HLCS: variants seen among roughly 807,000 people sequenced by gnomAD.
The protein encoded by HLCS is holocarboxylase synthetase.
Under a neutral mutation model 75.0 loss-of-function variants are expected in HLCS, and 53 were observed. That is an observed-to-expected ratio of 0.71 (90% CI 0.57 to 0.89). HLCS has a LOEUF of 0.89. HLCS is among the 40% of genes least tolerant of loss of function. The pLI is 0.00. For synonymous variants in HLCS, 431 were observed against 428.6 expected, an observed-to-expected ratio of 1.01 and a Z score of -0.07; for missense variants, 966 against 1,074.0, an observed-to-expected ratio of 0.90 and a Z score of 1.41.
chr21:36,857,350 G>A (rs1008481689), intron 6 of HLCS, among the ~76,000 whole-genome samples: 11 of 152,326 alleles, frequency 7.2e-5, no homozygotes, highest in African/African-American at 2.6e-4. Context: ...TTCCAAAGCT[G>A]TAGGTGGAAT....
chr21:36,827,331 T>C (rs2898305), intron 6 of HLCS, among the ~76,000 whole-genome samples: 53,365 of 151,790 alleles, frequency 0.35, 10,163 homozygotes, highest in African/African-American at 0.48. Flanking sequence ...CACTTTGGGA[T>C]GCCAAGGCGA....
At chr21:36,930,537 A>C (rs1382484567) in intron 4 of HLCS, 104 bp from the exon 5 acceptor site, 6 of 982,810 alleles carry the variant, frequency 6.1e-6, no homozygotes, top group Non-Finnish European at 9.1e-6. Context: ...TAGAGACAGG[A>C]TCTCATTATG....
intron 5 of HLCS, among the ~76,000 whole-genome samples, chr21:36,924,052 A>C (rs1312569870): frequency 6.6e-6 from 1 of 152,234 alleles, no homozygotes. Context: ...TTCAAGGTGC[A>C]CCTGGAATTC....
chr21:36,758,356 C>T (rs1284641347), intron 9 of HLCS, among the ~76,000 whole-genome samples: 2 of 152,142 alleles, frequency 1.3e-5, no homozygotes, highest in Non-Finnish European at 2.9e-5. Flanking sequence ...AATCCACCCA[C>T]CTCAGGCTCC....
At chr21:36,901,507 C>T (rs571412635) in intron 5 of HLCS, among the ~76,000 whole-genome samples, 1 of 152,302 alleles carries the variant, frequency 6.6e-6, no homozygotes, top group East Asian at 1.9e-4. Context: ...TCTATTCTTA[C>T]AGTTTTGGAG....
chr21:36,804,383 T>C (rs905527003), intron 6 of HLCS: 5 of 152,282 alleles, frequency 3.3e-5, no homozygotes, highest in Non-Finnish European at 7.3e-5. Context: ...TAACTCGAAT[T>C]ACTCATAGGC....
chr21:36,856,880 C>T (rs1003038889), intron 6 of HLCS, among the ~76,000 whole-genome samples: 6 of 152,184 alleles, frequency 3.9e-5, no homozygotes, highest in Admixed American at 3.9e-4. Flanking sequence ...TAAAACCACA[C>T]ACACACACAG....
chr21:36,861,699 T>G (rs2063387674), intron 6 of HLCS, among the ~76,000 whole-genome samples: 1 of 152,234 alleles, frequency 6.6e-6, no homozygotes, highest in Non-Finnish European at 1.5e-5. Flanking sequence ...AAAGAGTACC[T>G]CCCTCTTACA....
chr21:36,921,424 A>AAT (rs3838089), intron 5 of HLCS, among the ~76,000 whole-genome samples: 1 of 151,888 alleles, frequency 6.6e-6, no homozygotes, highest in African/African-American at 2.4e-5. Flanking sequence ...CAGCCTGGGT[A>AAT]AGAGTGAGAC....
At chr21:36,797,955 CA>C (rs753700631) in intron 6 of HLCS, among the ~76,000 whole-genome samples, 2 of 152,118 alleles carry the variant, frequency 1.3e-5, no homozygotes, top group Non-Finnish European at 2.9e-5. Flanking sequence ...TATGCAAATA[CA>C]GACACAAATA....
chr21:36,960,562 A>G (rs1036445890), intron 2 of HLCS, among the ~76,000 whole-genome samples: 1 of 152,098 alleles, frequency 6.6e-6, no homozygotes, highest in Non-Finnish European at 1.5e-5. Flanking sequence ...GCTATCCTAT[A>G]CTATCTGCAC....
intron 8 of HLCS, among the ~76,000 whole-genome samples, chr21:36,762,500 G>C (rs969927762): frequency 3.1e-4 from 47 of 152,176 alleles, no homozygotes; most frequent in African/African-American, 1.1e-3. Context: ...TCTGGGGAGG[G>C]TGGTCATGAT....
At chr21:36,811,933 T>C (rs980143590) in intron 6 of HLCS, among the ~76,000 whole-genome samples, 22 of 152,220 alleles carry the variant, frequency 1.4e-4, no homozygotes, top group African/African-American at 5.1e-4. Flanking sequence ...GGGTCTCGGC[T>C]TCTTAACCTG....
chr21:36,971,390 A>C (rs1182990989), upstream of HLCS, among the ~76,000 whole-genome samples: 1 of 152,200 alleles, frequency 6.6e-6, no homozygotes, highest in Non-Finnish European at 1.5e-5. Context: ...ATACCAGATA[A>C]GCTGGAACAT....
rs1244191783 is a variant in HLCS, at chr21:36,756,714, T to C, written c.2278A>G (p.Ile760Val). Reference sequence around the variant, plus strand: ...TTGTATTCTGTGATGAGGTCGTTGATGCAGATGGTAGGGTTACTGTTAGTC... The same window carrying C: ...TTGTATTCTGTGATGAGGTCGTTGACGCAGATGGTAGGGTTACTGTTAGTC... ...NVTNSNPTIC[I>V]NDLITEYNKQ... is the part of the protein sequence containing the mutation. Residue 760 changes from isoleucine (I) to valine (V), a missense_variant, in exon 10 of 11, where the codon ATC becomes GTC. Ile to Val is a conservative substitution (Grantham distance 29, BLOSUM62 3). Transcript: ENST00000674895. 6.2e-7 allele frequency: 1 copy of C among 1,614,154 alleles called. No individual in the cohort carries two copies. Among genetic ancestry groups the C allele is most frequent in the Admixed American group, 1.7e-5 (1 of 60,018 alleles).
At chr21:36,799,126 T>C (rs13052249) in intron 6 of HLCS, among the ~76,000 whole-genome samples, 44,752 of 152,102 alleles carry the variant, frequency 0.29, 6,763 homozygotes, top group South Asian at 0.32. Context: ...ATATATTCTC[T>C]GAGAAGCTTA....
chr21:36,824,913 G>T (rs1161140033), intron 6 of HLCS, among the ~76,000 whole-genome samples: 5 of 152,200 alleles, frequency 3.3e-5, no homozygotes, highest in African/African-American at 9.7e-5. Flanking sequence ...TGGCAGTAAT[G>T]ATCTACAGGC....
At chr21:36,802,076 T>TCTCCC in intron 6 of HLCS, among the ~76,000 whole-genome samples, 1 of 152,330 alleles carries the variant, frequency 6.6e-6, no homozygotes, top group Admixed American at 6.5e-5. Context: ...ATATTCTCTT[T>TCTCCC]CAAAATTGTG....
chr21:36,869,339 A>G (rs1429537297), intron 6 of HLCS, among the ~76,000 whole-genome samples: 4 of 152,066 alleles, frequency 2.6e-5, no homozygotes, highest in Admixed American at 2.6e-4. Context: ...TCACCGTGTT[A>G]GCCAGGATGA....
Sources: allele counts gnomAD v4.1 joint callset (sites outside exome capture counted in the v4.1 genomes callset), GRCh38; gene constraint gnomAD v4.1.1; transcripts MANE v1.5; gene names NCBI Gene and HGNC (gene_info 2026-07-23, HGNC 2026-07-21).